The following ARHGAP27 variants were observed in gnomAD, a reference collection of about 807,000 sequenced individuals.
ARHGAP27 encodes the protein Rho GTPase activating protein 27.
A neutral mutation model predicts 102.0 loss-of-function variants in ARHGAP27; 53 were observed. That is an observed-to-expected ratio of 0.52 (90% CI 0.42 to 0.65). The LOEUF is 0.65. Among genes scored for constraint, ARHGAP27 ranks in the 30% least tolerant of loss-of-function variants. The pLI is 0.00. For synonymous variants in ARHGAP27, 525 were observed against 542.8 expected (o/e 0.97, Z 0.46); for missense variants, 1,117 against 1,256.2 (o/e 0.89, Z 1.68).
chr17:45,415,303 G>T (rs1293875135), intron 4 of ARHGAP27, among the ~76,000 whole-genome samples: 1 of 152,032 alleles, frequency 6.6e-6, no homozygotes, highest in Non-Finnish European at 1.5e-5. Flanking sequence ...GCTTCCTCAG[G>T]CCAGGCCTCC....
At chr17:45,418,439 C>T (rs2048701187) in intron 4 of ARHGAP27, among the ~76,000 whole-genome samples, 1 of 151,960 alleles carries the variant, frequency 6.6e-6, no homozygotes, top group Admixed American at 6.6e-5. Context: ...CACTGCACTC[C>T]AGCCTGGGTG....
chr17:45,397,988 G>C lies in ARHGAP27; in HGVS notation c.1803C>G (p.Ser601Arg), dbSNP rs1422274715. Reference sequence around the variant, plus strand: ...CCTGAGCAATGGCCTTATGCCAGGTGCTGATGATGGCCTCCGAGTCGTGCT... The same window carrying C: ...CCTGAGCAATGGCCTTATGCCAGGTCCTGATGATGGCCTCCGAGTCGTGCT... Reference protein sequence around the residue: ...LIQHDSEAIISTWHKAIAQGI... With the variant: ...LIQHDSEAIIRTWHKAIAQGI... Residue 601 changes from serine to arginine, a missense_variant, in exon 13 of 20, where the codon AGC becomes AGG. Ser to Arg is a moderately radical substitution (Grantham distance 110). This residue lies in a region of ARHGAP27 where 493 missense variants were observed against 505.5 expected (regional missense o/e 0.98). Transcript: ENST00000685559. 1.9e-6 allele frequency: 3 copies of C among 1,611,224 alleles called. No homozygotes were observed. In the Admixed American group the frequency reaches 5.0e-5, roughly 27 times the overall value.
At chr17:45,401,629 G>A (rs1159169230) in intron 12 of ARHGAP27, 1 of 152,156 alleles carries the variant, frequency 6.6e-6, no homozygotes, top group Non-Finnish European at 1.5e-5. Context: ...CTGTTTTGCA[G>A]GGTACCTGGC....
intron 12 of ARHGAP27, among the ~76,000 whole-genome samples, chr17:45,401,210 G>A (rs1055380570): frequency 2.0e-5 from 3 of 152,108 alleles, no homozygotes; most frequent in Admixed American, 1.3e-4. Context: ...GTGATGGAAC[G>A]CGCCTGTAGT....
chr17:45,406,861 T>C (rs2047234042), intron 4 of ARHGAP27, among the ~76,000 whole-genome samples: 1 of 152,088 alleles, frequency 6.6e-6, no homozygotes. Flanking sequence ...GACTGAACTT[T>C]CCAAGGTGAA....
rs1211783138 is a variant in ARHGAP27, at chr17:45,430,923, T to C, written c.-18-626A>G. ...GTCCGAGGGCCTTGCTGTAGAGGCC[T>C]CCGCTGCCAATGCAGGGGAACCGGT... is the stretch of plus-strand genomic sequence containing the variant. On this transcript the variant is annotated intron_variant, in intron 3 of 19. Coordinates refer to ENST00000685559, the MANE Select transcript of ARHGAP27 (RefSeq NM_001282290.2). The surrounding 1 kb of genome is among the most constrained non-coding windows in gnomAD (Gnocchi z 4.4). Among the ~76,000 whole-genome samples, 1 of 152,062 alleles carries C rather than the reference T, an allele frequency of 6.6e-6. No homozygotes were observed. Among genetic ancestry groups the C allele is most frequent in the Admixed American group, 6.5e-5 (1 of 15,272 alleles).
At chr17:45,407,553 C>T (rs1468054990) in intron 4 of ARHGAP27, 11 of 143,454 alleles carry the variant, frequency 7.7e-5, no homozygotes, top group East Asian at 2.0e-4. Flanking sequence ...CTCGCTCTGT[C>T]GTCCAGACTG....
At chr17:45,431,563 A>C in intron 3 of ARHGAP27, 58 bp downstream of exon 3, 1 of 179,990 alleles carries the variant, frequency 5.6e-6, no homozygotes, top group Non-Finnish European at 1.2e-5. Flanking sequence ...GAACCAACAA[A>C]CCCCAAGCAG....
At chr17:45,420,933 A>G (rs1373634265) in intron 4 of ARHGAP27, among the ~76,000 whole-genome samples, 1 of 135,830 alleles carries the variant, frequency 7.4e-6, no homozygotes, top group East Asian at 2.1e-4. Flanking sequence ...CCTGGGCGAC[A>G]GAGCAAGACT....
At chr17:45,396,323 G>A in intron 16 of ARHGAP27, 39 bp from the exon 17 acceptor site, 1 of 1,576,900 alleles carries the variant, frequency 6.3e-7, no homozygotes, top group East Asian at 2.3e-5. Context: ...GTTCAGGGAT[G>A]GGGATAGGGT....
intron 13 of ARHGAP27, chr17:45,397,326 C>T (rs1040372631): frequency 2.6e-5 from 33 of 1,285,318 alleles, no homozygotes; most frequent in Non-Finnish European, 3.0e-5. Context: ...TTCCTCAGCT[C>T]CTCTAACTGG....
In ARHGAP27 at chr17:45,432,818, C is replaced by G. The variant is rs1006153832; in HGVS notation, c.-351G>C. 1 of 152,766 alleles carries G rather than the reference C, an allele frequency of 6.5e-6. No individual in the cohort carries two copies. Among genetic ancestry groups the G allele is most frequent in the Non-Finnish European group, 1.5e-5 (1 of 68,166 alleles). The allele number at this position is 152,766 out of a possible 1,614,324, so 9.5% of individuals were successfully genotyped here. A position where few individuals can be genotyped will look rare whatever the true frequency, so the allele number is the denominator to read the frequency against. ...GCAGGCGCGCGTGGGCTCGGCGTCC[C>G]GCGCTCCCTCCTCGACTGTGCGGCT... On this transcript the variant is annotated 5_prime_UTR_variant, in exon 1 of 20. Transcript: ENST00000685559.
At position 45,397,040 on chromosome 17, in the gene ARHGAP27, C is replaced by T; in HGVS notation, c.1843-16G>A. 1.2e-6 allele frequency: 2 copies of T among 1,601,106 alleles called. No homozygotes were observed. The highest frequency in any genetic ancestry group is 1.7e-5 in the Admixed American group (1 of 59,880). On this transcript the variant is annotated splice_polypyrimidine_tract_variant and intron_variant, in intron 13 of 19. Transcript: ENST00000685559. ...GCTCTGCGGACTGGATTCCCATAGC[C>T]TCAGAGAGGCGGGGCCTTGAGCCAG...
At position 45,427,778 on chromosome 17, in the gene ARHGAP27, A is replaced by AT. The variant is rs1252985648; in HGVS notation, c.657+1844dup. Among the ~76,000 whole-genome samples, 1 of 152,116 alleles carries AT rather than the reference A, an allele frequency of 6.6e-6. No homozygotes were observed. Among genetic ancestry groups the AT allele is most frequent in the South Asian group, 2.1e-4 (1 of 4,824 alleles). On this transcript the variant is annotated intron_variant, in intron 4 of 19. Coordinates refer to ENST00000685559, the MANE Select transcript of ARHGAP27 (RefSeq NM_001282290.2). This position sits in a 1 kb window ranked among gnomAD's most constrained non-coding sequence, Gnocchi z 4.5. ...TGCCTGTCTCTGGCCAATGTCCTAG[A>AT]TTCCCCCCCTGGGTAAGTCCCCTAC...
chr17:45,404,849 G>A, intron 6 of ARHGAP27, 75 bp downstream of exon 6: 2 of 1,603,204 alleles, frequency 1.2e-6, no homozygotes, highest in Non-Finnish European at 1.7e-6. Context: ...TTAGAGCACT[G>A]AGGCGACCTA....
At position 45,409,269 on chromosome 17, in the gene ARHGAP27, C is replaced by T. The variant is rs546214788; in HGVS notation, c.658-3186G>A. 2.6e-5 allele frequency: 4 copies of T among 152,430 alleles called. No homozygotes were observed. In the South Asian group the frequency reaches 8.3e-4, roughly 32 times the overall value. The allele number at this position is 152,430 out of a possible 1,614,324, so 9.4% of individuals were successfully genotyped here. A position where few individuals can be genotyped will look rare whatever the true frequency, so the allele number is the denominator to read the frequency against. On this transcript the variant is annotated intron_variant, in intron 4 of 19. Coordinates refer to ENST00000685559, the MANE Select transcript of ARHGAP27 (RefSeq NM_001282290.2). ...AACAGGCTCTTTGGAGCAGGAATTTCTACTTGGCAGGCTGTGGGCCATGGC... is the reference window on the plus strand; with the variant it reads ...AACAGGCTCTTTGGAGCAGGAATTTTTACTTGGCAGGCTGTGGGCCATGGC...
chr17:45,424,554 A>G (rs2049358894), intron 4 of ARHGAP27, among the ~76,000 whole-genome samples: 1 of 152,062 alleles, frequency 6.6e-6, no homozygotes, highest in African/African-American at 2.4e-5. Context: ...CCCTCCCTGT[A>G]CTGGACGCAG....
At chr17:45,405,499 C>G (rs2047041931) in intron 5 of ARHGAP27, among the ~76,000 whole-genome samples, 177 bp downstream of exon 5, 1 of 151,542 alleles carries the variant, frequency 6.6e-6, no homozygotes, top group African/African-American at 2.4e-5. Context: ...CCAGCCCCGC[C>G]CTTCACCCTG....
At chr17:45,403,817 A>G in intron 10 of ARHGAP27, 108 bp from the exon 11 acceptor site, 2 of 1,072,144 alleles carry the variant, frequency 1.9e-6, no homozygotes, top group Non-Finnish European at 2.7e-6. Context: ...AGGCTAGGGC[A>G]CCCCATTATG....
Sources: allele counts gnomAD v4.1 joint callset (sites outside exome capture counted in the v4.1 genomes callset), GRCh38; gene constraint gnomAD v4.1.1; regional missense constraint gnomAD v4.1.1; non-coding constraint Gnocchi (gnomAD v3.1); transcripts MANE v1.5; gene names NCBI Gene and HGNC (gene_info 2026-07-23, HGNC 2026-07-21).